PCDH7: variants seen among roughly 807,000 people sequenced by gnomAD.
PCDH7 encodes protocadherin-7.
PCDH7 carries 17 observed loss-of-function variants against 58.9 expected under a neutral mutation model. That is an observed-to-expected ratio of 0.29 (90% CI 0.20 to 0.43). The LOEUF (loss-of-function observed/expected upper bound fraction) is 0.43, where lower values mean the gene tolerates loss of function less well. Ranked by LOEUF, PCDH7 falls within the 20% of genes least tolerant of loss-of-function variation. PCDH7 has a pLI of 1.00. For missense variants in PCDH7, 1,274 were observed against 1,441.0 expected (o/e 0.88, Z 1.88); for synonymous variants, 664 against 616.4 (o/e 1.08, Z -1.14).
intron 1 of PCDH7, among the ~76,000 whole-genome samples, chr4:30,892,562 G>C (rs1234496426): frequency 6.6e-6 from 1 of 152,008 alleles, no homozygotes; most frequent in Non-Finnish European, 1.5e-5. Flanking sequence ...GAATTCTAAA[G>C]TGGAGCCTTT....
At chr4:30,890,024 G>C (rs747204634) in intron 1 of PCDH7, among the ~76,000 whole-genome samples, 18 of 152,164 alleles carry the variant, frequency 1.2e-4, no homozygotes, top group Non-Finnish European at 2.4e-4. Flanking sequence ...AACACACAGG[G>C]ATTATGGTCA....
intron 1 of PCDH7, among the ~76,000 whole-genome samples, chr4:30,742,905 A>G (rs1320012996): frequency 6.6e-6 from 1 of 152,228 alleles, no homozygotes; most frequent in Non-Finnish European, 1.5e-5. Flanking sequence ...AATCCTGGCT[A>G]GGACGCAGAT....
chr4:30,773,066 G>A (rs1242491098), intron 1 of PCDH7, among the ~76,000 whole-genome samples: 1 of 152,026 alleles, frequency 6.6e-6, no homozygotes, highest in Non-Finnish European at 1.5e-5. Context: ...CACACAACCA[G>A]CTAATTTTTG....
intron 1 of PCDH7, among the ~76,000 whole-genome samples, chr4:30,742,909 C>G (rs1054086777): frequency 6.6e-6 from 1 of 152,152 alleles, no homozygotes; most frequent in South Asian, 2.1e-4. Context: ...CTGGCTAGGA[C>G]GCAGATACAG....
At chr4:30,753,638 C>T (rs1718866860) in intron 1 of PCDH7, among the ~76,000 whole-genome samples, 1 of 152,156 alleles carries the variant, frequency 6.6e-6, no homozygotes, top group African/African-American at 2.4e-5. Context: ...ATGTTTTTGG[C>T]TCTGGTTGTC....
At chr4:30,815,505 T>G (rs758837821) in intron 1 of PCDH7, among the ~76,000 whole-genome samples, 7 of 152,324 alleles carry the variant, frequency 4.6e-5, no homozygotes, top group East Asian at 3.9e-4. Context: ...GGTTTTCATT[T>G]GTATTTCTTT....
At chr4:31,061,889 G>T (rs530289882) in intron 3 of PCDH7, among the ~76,000 whole-genome samples, 3 of 151,756 alleles carry the variant, frequency 2.0e-5, no homozygotes, top group African/African-American at 7.2e-5. Flanking sequence ...TATACACAGA[G>T]ACTTTGTTTA....
At chr4:30,881,334 A>G (rs927559848) in intron 1 of PCDH7, among the ~76,000 whole-genome samples, 1 of 152,082 alleles carries the variant, frequency 6.6e-6, no homozygotes, top group Admixed American at 6.6e-5. Context: ...TGATAGAGCA[A>G]GACTCCATCT....
intron 3 of PCDH7, among the ~76,000 whole-genome samples, chr4:30,992,211 A>C (rs2109125217): frequency 6.6e-6 from 1 of 152,344 alleles, no homozygotes; most frequent in African/African-American, 2.4e-5. Flanking sequence ...TCAGCATGTC[A>C]GGTAGTCTTA....
chr4:31,050,089 G>C (rs1368218508), intron 3 of PCDH7, among the ~76,000 whole-genome samples: 1 of 152,080 alleles, frequency 6.6e-6, no homozygotes, highest in African/African-American at 2.4e-5. Flanking sequence ...TGTGACAGGA[G>C]GTGCAGGACT....
chr4:30,778,831 C>A (rs2109286251), intron 1 of PCDH7, among the ~76,000 whole-genome samples: 1 of 152,042 alleles, frequency 6.6e-6, no homozygotes, highest in Non-Finnish European at 1.5e-5. Flanking sequence ...TGATATAATT[C>A]TCATAATTTA....
Position 30,849,089 on chromosome 4 carries a change from TTGTC to T in PCDH7, c.71-71063_71-71060del, listed in dbSNP as rs1389934783. On this transcript the variant is annotated intron_variant, in intron 1 of 3. Transcript: ENST00000509759. ...CTAAACACATTCACTTATTTGTGGT[TTGTC>T]AGTGGAGAAAAATAGCATAGGGAAG... Among the ~76,000 whole-genome samples, 20 of 152,224 alleles carry T rather than the reference TTGTC, an allele frequency of 1.3e-4. No homozygotes were observed. In the East Asian group the frequency reaches 3.7e-3, roughly 28 times the overall value.
chr4:31,108,369 T>TAAA lies in PCDH7; in HGVS notation c.*8-34066_*8-34064dup, dbSNP rs71190491. Among the ~76,000 whole-genome samples the TAAA allele has an allele frequency of 5.3e-4, 32 of 60,082 alleles. 6 individuals are homozygous for TAAA. Among genetic ancestry groups the TAAA allele is most frequent in the Admixed American group, 2.1e-3 (8 of 3,784 alleles). 39.4% of individuals were successfully genotyped at this position (60,082 alleles called of 152,430 possible). A position where few individuals can be genotyped will look rare whatever the true frequency, so the allele number is the denominator to read the frequency against. On this transcript the variant is annotated intron_variant, in intron 3 of 3. Coordinates refer to the PCDH7 transcript ENST00000509759. ...GTAGACTGTAACATACAGCATACAG[T>TAAA]AAAAAAAAAAAAAAAAAAAAAAAAA... is the stretch of plus-strand genomic sequence containing the variant.
chr4:31,006,938 A>T (rs910935058), intron 3 of PCDH7, among the ~76,000 whole-genome samples: 26 of 151,502 alleles, frequency 1.7e-4, no homozygotes, highest in African/African-American at 5.8e-4. Flanking sequence ...ACCTTATAGA[A>T]TGGCAGAAAA....
chr4:31,144,799 T>C (rs1399292800), downstream of PCDH7: 1 of 152,138 alleles, frequency 6.6e-6, no homozygotes, highest in Non-Finnish European at 1.5e-5. Flanking sequence ...CAAAAAGATA[T>C]GTAATTGAAA....
chr4:31,045,021 C>G (rs1756170018), intron 3 of PCDH7, among the ~76,000 whole-genome samples: 1 of 151,846 alleles, frequency 6.6e-6, no homozygotes, highest in Non-Finnish European at 1.5e-5. Flanking sequence ...TCTTTTGTGG[C>G]CTAGCAGATA....
At chr4:31,096,234 G>A (rs1185110816) in intron 3 of PCDH7, among the ~76,000 whole-genome samples, 1 of 152,092 alleles carries the variant, frequency 6.6e-6, no homozygotes, top group African/African-American at 2.4e-5. Flanking sequence ...ACTGTTTCTG[G>A]TCTTTAGAAT....
At chr4:30,993,863 T>C (rs532805987) in intron 3 of PCDH7, among the ~76,000 whole-genome samples, 45 of 152,156 alleles carry the variant, frequency 3.0e-4, no homozygotes, top group Non-Finnish European at 4.3e-4. Context: ...GCCCACTAAA[T>C]GTTTAGAAGA....
intron 3 of PCDH7, among the ~76,000 whole-genome samples, chr4:30,992,778 G>A (rs1001715088): frequency 1.3e-5 from 2 of 150,250 alleles, no homozygotes; most frequent in African/African-American, 4.9e-5. Flanking sequence ...GGCCAAGGAG[G>A]ACTACTGTCC....
Sources: allele counts gnomAD v4.1 joint callset (sites outside exome capture counted in the v4.1 genomes callset), GRCh38; gene constraint gnomAD v4.1.1; transcripts MANE v1.5; gene names NCBI Gene and HGNC (gene_info 2026-07-23, HGNC 2026-07-21).